SEL1L2: variants seen among roughly 807,000 people sequenced by gnomAD.
SEL1L2 encodes the protein SEL1L2 adaptor subunit of SYVN1 ubiquitin ligase.
In SEL1L2, 89 loss-of-function variants were observed where a neutral mutation model predicts 98.8. The observed-to-expected ratio is 0.90, with a 90% CI of 0.76 to 1.07. SEL1L2 has a LOEUF of 1.07. Ranked by LOEUF, SEL1L2 falls within the 50% of genes least tolerant of loss-of-function variation. The pLI, the probability that SEL1L2 is intolerant of heterozygous loss-of-function variation, is 0.00. For missense variants in SEL1L2, 788 were observed against 812.0 expected, an observed-to-expected ratio of 0.97 and a Z score of 0.36; for synonymous variants, 262 against 278.5, an observed-to-expected ratio of 0.94 and a Z score of 0.59.
intron 5 of SEL1L2, among the ~76,000 whole-genome samples, chr20:13,907,734 C>CTTTCTT (rs1555880112): frequency 9.5e-4 from 104 of 109,456 alleles, no homozygotes; most frequent in African/African-American, 3.7e-3. Flanking sequence ...TTCTTTCTTT[C>CTTTCTT]TTTCTTTCTT....
At chr20:13,967,549 T>C (rs2051106823) in intron 1 of SEL1L2, among the ~76,000 whole-genome samples, 1 of 152,166 alleles carries the variant, frequency 6.6e-6, no homozygotes, top group African/African-American at 2.4e-5. Context: ...CCTGGTAGAA[T>C]TTCACAAGAA....
At chr20:13,869,099 T>C (rs1156734700) in intron 14 of SEL1L2, among the ~76,000 whole-genome samples, 2 of 152,078 alleles carry the variant, frequency 1.3e-5, no homozygotes, top group East Asian at 3.9e-4. Context: ...GGATCACTAG[T>C]TATCTACCAT....
chr20:13,897,833 C>G (rs2047485671), intron 5 of SEL1L2, among the ~76,000 whole-genome samples: 1 of 151,838 alleles, frequency 6.6e-6, no homozygotes, highest in Non-Finnish European at 1.5e-5. Context: ...CCACTGCACT[C>G]CAGCCTGGGC....
chr20:13,884,492 ATTAAC>A (rs1489974560), intron 10 of SEL1L2, among the ~76,000 whole-genome samples: 1 of 151,994 alleles, frequency 6.6e-6, no homozygotes, highest in African/African-American at 2.4e-5. Flanking sequence ...TGAATGGTTA[ATTAAC>A]TTATTTATTT....
chr20:13,926,202 C>G (rs1030770520), intron 3 of SEL1L2, among the ~76,000 whole-genome samples: 1 of 152,202 alleles, frequency 6.6e-6, no homozygotes, highest in African/African-American at 2.4e-5. Flanking sequence ...GTAGTCCCAG[C>G]TACTCAGGAG....
intron 5 of SEL1L2, among the ~76,000 whole-genome samples, chr20:13,888,837 G>T (rs1333178976): frequency 6.8e-6 from 1 of 146,808 alleles, no homozygotes. Flanking sequence ...TAGTAGAGAT[G>T]GGGCTTCACC....
At chr20:13,851,142 G>A (rs764132116) in intron 18 of SEL1L2, among the ~76,000 whole-genome samples, 6 of 152,004 alleles carry the variant, frequency 3.9e-5, no homozygotes, top group Non-Finnish European at 5.9e-5. Context: ...CACGAGAATT[G>A]CTTGAACCCG....
At chr20:13,971,425 T>A (rs1309819454) in intron 1 of SEL1L2, among the ~76,000 whole-genome samples, 1 of 152,136 alleles carries the variant, frequency 6.6e-6, no homozygotes, top group Non-Finnish European at 1.5e-5. Flanking sequence ...ACTTTTGTTT[T>A]GTTTTGTTTT....
At position 13,866,742 on chromosome 20, in the gene SEL1L2, G is replaced by T. The variant is rs1337218905; in HGVS notation, c.1364C>A (p.Thr455Lys). Residue 455 changes from threonine (T) to lysine (K), a missense_variant, in exon 15 of 20, where the codon ACA becomes AAA. Physicochemically the swap from Thr to Lys is moderately conservative, Grantham distance 78. Coordinates refer to ENST00000284951, the MANE Select transcript of SEL1L2 (RefSeq NM_025229.2). ...AIYYLAKMYATGTGVVRSCRT... is the reference protein window; with the variant it reads ...AIYYLAKMYAKGTGVVRSCRT... ...GCATGATCTTACTACTCCTGTTCCT[G>T]TTGCATACATCTTGGCCAGATAATA... 1 of 1,608,190 alleles carries T rather than the reference G, an allele frequency of 6.2e-7. No homozygotes were observed. Among genetic ancestry groups the T allele is most frequent in the Admixed American group, 1.7e-5 (1 of 58,622 alleles).
Position 13,966,879 on chromosome 20 carries a change from C to CTTTTT in SEL1L2, c.59-10753_59-10749dup, listed in dbSNP as rs35292120. 5.3e-4 allele frequency among the ~76,000 whole-genome samples: 55 copies of CTTTTT among 104,144 alleles called. 3 individuals carry two copies. The highest frequency in any genetic ancestry group is 7.9e-4 in the Non-Finnish European group (44 of 55,740). 68.3% of individuals were successfully genotyped at this position (104,144 alleles called of 152,430 possible). On this transcript the variant is annotated intron_variant, in intron 1 of 19. Transcript: ENST00000284951. ...TCTTTCTCTGTTACCAGAGACCTGT[C>CTTTTT]TTTTTTTTTTTTTTTTTTTTGAGAT...
chr20:13,879,703 G>C (rs1007572941), intron 10 of SEL1L2, among the ~76,000 whole-genome samples: 46 of 152,112 alleles, frequency 3.0e-4, no homozygotes, highest in Admixed American at 9.2e-4. Context: ...AGAAGCCACT[G>C]AAGATCTATA....
intron 11 of SEL1L2, 30 bp from the exon 12 acceptor site, chr20:13,876,145 A>G (rs1351587814): frequency 3.4e-6 from 5 of 1,484,770 alleles, no homozygotes; most frequent in Non-Finnish European, 3.8e-6. Flanking sequence ...GAGGATAGAA[A>G]AAACAAAATA....
At chr20:13,878,689 G>A (rs910277338) in intron 10 of SEL1L2, among the ~76,000 whole-genome samples, 11 of 152,106 alleles carry the variant, frequency 7.2e-5, no homozygotes, top group Admixed American at 2.0e-4. Context: ...ACCTCATGGC[G>A]TCATGCATCC....
intron 1 of SEL1L2, among the ~76,000 whole-genome samples, chr20:13,969,040 A>T (rs116333877): frequency 2.0e-4 from 31 of 152,310 alleles, no homozygotes; most frequent in African/African-American, 7.2e-4. Flanking sequence ...AAAGCTTTTA[A>T]GCTTAGAGAC....
chr20:13,893,613 T>C (rs1359739422), intron 5 of SEL1L2, among the ~76,000 whole-genome samples: 1 of 152,192 alleles, frequency 6.6e-6, no homozygotes. Flanking sequence ...AACAATCAGA[T>C]AGAAGATCAA....
rs577871655 is a variant in SEL1L2, at chr20:13,920,196, C to T, written c.284-1073G>A. 4.7e-4 allele frequency among the ~76,000 whole-genome samples: 68 copies of T among 144,858 alleles called. 1 individual carries two copies. The highest frequency in any genetic ancestry group is 1.4e-3 in the Admixed American group (20 of 13,974). On this transcript the variant is annotated intron_variant, in intron 3 of 19. Coordinates refer to ENST00000284951, the MANE Select transcript of SEL1L2 (RefSeq NM_025229.2). ...TGAGCTGAGATCAGGCCACTGCACTCCAGCCTGGGTGACAGAGCGAGACTC... is the reference window on the plus strand; with the variant it reads ...TGAGCTGAGATCAGGCCACTGCACTTCAGCCTGGGTGACAGAGCGAGACTC...
intron 12 of SEL1L2, among the ~76,000 whole-genome samples, chr20:13,874,117 G>A (rs193062499): frequency 3.9e-5 from 6 of 152,260 alleles, no homozygotes; most frequent in African/African-American, 1.2e-4. Flanking sequence ...TGGAGATGGG[G>A]ACGGGCCTGA....
At chr20:13,971,476 A>C (rs892147667) in intron 1 of SEL1L2, among the ~76,000 whole-genome samples, 2 of 152,140 alleles carry the variant, frequency 1.3e-5, no homozygotes, top group African/African-American at 2.4e-5. Flanking sequence ...TCCAGGCTGA[A>C]GTGCAGTGGC....
At chr20:13,873,121 G>T (rs1363889857) in intron 12 of SEL1L2, among the ~76,000 whole-genome samples, 1 of 151,446 alleles carries the variant, frequency 6.6e-6, no homozygotes, top group African/African-American at 2.4e-5. Context: ...CTCCCAAGTA[G>T]CTGGGATTAC....
Sources: allele counts gnomAD v4.1 joint callset (sites outside exome capture counted in the v4.1 genomes callset), GRCh38; gene constraint gnomAD v4.1.1; transcripts MANE v1.5; gene names NCBI Gene and HGNC (gene_info 2026-07-23, HGNC 2026-07-21).